Variants in MAP3K1 observed in about 807,000 individuals in gnomAD.
MAP3K1 encodes the protein mitogen-activated protein kinase kinase kinase 1, also known as MAP/ERK kinase kinase 1.
In MAP3K1, 36 loss-of-function variants were observed where a neutral mutation model predicts 144.2. The ratio of observed to expected loss-of-function variants is 0.25; its 90% confidence interval spans 0.19 to 0.33. The LOEUF is 0.33. Ranked by LOEUF, MAP3K1 falls within the 10% of genes least tolerant of loss-of-function variation. The pLI is 1.00. For synonymous variants in MAP3K1, 718 were observed against 688.7 expected, an observed-to-expected ratio of 1.04 and a Z score of -0.67; for missense variants, 1,650 against 1,881.9, an observed-to-expected ratio of 0.88 and a Z score of 2.28.
chr5:56,846,293 A>C (rs1480011243), intron 1 of MAP3K1, among the ~76,000 whole-genome samples: 3 of 152,218 alleles, frequency 2.0e-5, no homozygotes, highest in Admixed American at 2.0e-4. Flanking sequence ...AGCAGATTTC[A>C]TTGAACTTGA....
intron 1 of MAP3K1, among the ~76,000 whole-genome samples, chr5:56,854,355 C>T (rs1375618554): frequency 7.1e-6 from 1 of 141,462 alleles, no homozygotes; most frequent in Non-Finnish European, 1.5e-5. Flanking sequence ...ATCACTTGAA[C>T]CTGGGAGGCG....
At chr5:56,828,149 C>T (rs939835154) in intron 1 of MAP3K1, among the ~76,000 whole-genome samples, 5 of 152,128 alleles carry the variant, frequency 3.3e-5, no homozygotes, top group African/African-American at 7.2e-5. Flanking sequence ...TTAGCAAAGG[C>T]GGTTTGTGTA....
chr5:56,872,529 G>C, intron 7 of MAP3K1, 112 bp from the exon 8 acceptor site: 1 of 705,058 alleles, frequency 1.4e-6, no homozygotes, highest in Non-Finnish European at 2.5e-6. Context: ...CATTTAATTA[G>C]ATTATTTTTG....
chr5:56,886,413 CA>C (rs1376425470), intron 17 of MAP3K1, among the ~76,000 whole-genome samples: 3 of 151,810 alleles, frequency 2.0e-5, no homozygotes, highest in African/African-American at 7.3e-5. Context: ...CAAAGAAGAA[CA>C]AAAAAATGGA....
At chr5:56,861,339 A>G (rs1055162863) in intron 3 of MAP3K1, among the ~76,000 whole-genome samples, 1 of 152,240 alleles carries the variant, frequency 6.6e-6, no homozygotes, top group South Asian at 2.1e-4. Flanking sequence ...TGGGAGGCCA[A>G]GGTGGGCGGA....
At chr5:56,859,628 T>G (rs986781923) in intron 2 of MAP3K1, 87 bp from the exon 3 acceptor site, 29 of 933,664 alleles carry the variant, frequency 3.1e-5, no homozygotes, top group African/African-American at 1.8e-4. Flanking sequence ...CAAAAACTCA[T>G]TAAGTGTATT....
At chr5:56,859,397 C>T (rs1201049205) in intron 2 of MAP3K1, among the ~76,000 whole-genome samples, 1 of 151,898 alleles carries the variant, frequency 6.6e-6, no homozygotes, top group South Asian at 2.1e-4. Flanking sequence ...TTGATTGTTG[C>T]TTTTGAGTGT....
chr5:56,816,181 A>T, intron 1 of MAP3K1, 126 bp downstream of exon 1: 93 of 1,011,788 alleles, frequency 9.2e-5, no homozygotes, highest in Non-Finnish European at 1.1e-4. Context: ...GCTCGCCGGG[A>T]CCTACGCCCC....
At chr5:56,819,772 A>T (rs1001828739) in intron 1 of MAP3K1, among the ~76,000 whole-genome samples, 1 of 152,178 alleles carries the variant, frequency 6.6e-6, no homozygotes, top group Non-Finnish European at 1.5e-5. Flanking sequence ...GCTTCTATCA[A>T]ATATATCAAG....
intron 7 of MAP3K1, among the ~76,000 whole-genome samples, chr5:56,872,298 T>C (rs1240300551): frequency 6.6e-6 from 1 of 152,070 alleles, no homozygotes; most frequent in Non-Finnish European, 1.5e-5. Context: ...ACAATTTCAA[T>C]CTGGAAGGTA....
At chr5:56,818,876 T>C (rs972294677) in intron 1 of MAP3K1, among the ~76,000 whole-genome samples, 2 of 152,200 alleles carry the variant, frequency 1.3e-5, no homozygotes, top group African/African-American at 4.8e-5. Flanking sequence ...TATATCCTCA[T>C]ATAGCCCTCA....
chr5:56,833,586 G>A (rs965588007), intron 1 of MAP3K1, among the ~76,000 whole-genome samples: 11 of 152,068 alleles, frequency 7.2e-5, no homozygotes, highest in African/African-American at 1.9e-4. Context: ...AGTACCTTAG[G>A]CATTCTGAAA....
chr5:56,819,141 C>G (rs972332447), intron 1 of MAP3K1, among the ~76,000 whole-genome samples: 11 of 152,096 alleles, frequency 7.2e-5, no homozygotes, highest in African/African-American at 2.4e-4. Context: ...TAATATAATT[C>G]TGGAAGAGAA....
rs1748666948 is a variant in MAP3K1 at position 56,895,188 on chromosome 5, G to T, written c.*1508G>T. 1 of 231,584 alleles carries T rather than the reference G, an allele frequency of 4.3e-6. No individual in the cohort carries two copies. Among genetic ancestry groups the T allele is most frequent in the Non-Finnish European group, 8.5e-6 (1 of 117,166 alleles). The allele number at this position is 231,584 out of a possible 1,614,324, so 14.3% of individuals were successfully genotyped here. ...AATAAGTTACAAGATAAGTTTACAG[G>T]GATATATTGCTTACAATTTTTAAAA... On this transcript the variant is annotated 3_prime_UTR_variant, in exon 20 of 20. Coordinates refer to ENST00000399503, the MANE Select transcript of MAP3K1 (RefSeq NM_005921.2).
chr5:56,861,781 T>C (rs1747523430), intron 3 of MAP3K1, among the ~76,000 whole-genome samples: 1 of 152,068 alleles, frequency 6.6e-6, no homozygotes, highest in Non-Finnish European at 1.5e-5. Flanking sequence ...TAAATTCATG[T>C]GAGAGAGAGA....
intron 3 of MAP3K1, among the ~76,000 whole-genome samples, chr5:56,863,856 G>A (rs1176692066): frequency 6.6e-6 from 1 of 152,158 alleles, no homozygotes; most frequent in African/African-American, 2.4e-5. Flanking sequence ...TTGATGGAAA[G>A]ACCAAGTTCT....
chr5:56,872,342 G>A (rs775134659), intron 7 of MAP3K1, among the ~76,000 whole-genome samples: 9 of 152,186 alleles, frequency 5.9e-5, no homozygotes. Flanking sequence ...GAAGACCTGG[G>A]CAGGCATTAC....
chr5:56,823,336 AAC>A (rs1746212194), intron 1 of MAP3K1, among the ~76,000 whole-genome samples: 1 of 152,104 alleles, frequency 6.6e-6, no homozygotes, highest in South Asian at 2.1e-4. Context: ...CTCTGCCAGG[AAC>A]ACTGTTTTTC....
At chr5:56,885,559 A>G (rs1165937817) in intron 16 of MAP3K1, among the ~76,000 whole-genome samples, 16 of 152,206 alleles carry the variant, frequency 1.1e-4, no homozygotes, top group Non-Finnish European at 1.5e-5. Context: ...TCCTCCTCCC[A>G]TTCTTTCCAC....
Sources: allele counts gnomAD v4.1 joint callset (sites outside exome capture counted in the v4.1 genomes callset), GRCh38; gene constraint gnomAD v4.1.1; transcripts MANE v1.5; gene names NCBI Gene and HGNC (gene_info 2026-07-23, HGNC 2026-07-21).